The following GOLM1 variants were observed in gnomAD, a reference collection of about 807,000 sequenced individuals.
GOLM1 encodes the protein golgi membrane protein 1.
Under a neutral mutation model 50.5 loss-of-function variants are expected in GOLM1, and 31 were observed. That is an observed-to-expected ratio of 0.61 (90% CI 0.46 to 0.83). The LOEUF is 0.83. GOLM1 is among the 40% of genes least tolerant of loss of function. GOLM1 has a pLI of 0.00. For synonymous variants in GOLM1, 178 were observed against 192.8 expected, an observed-to-expected ratio of 0.92 and a Z score of 0.64; for missense variants, 491 against 501.3, an observed-to-expected ratio of 0.98 and a Z score of 0.20.
rs751950309 is a variant in GOLM1 at position 86,079,203 on chromosome 9, C to T, written c.118G>A (p.Val40Met). 1.6e-5 allele frequency: 25 copies of T among 1,584,144 alleles called. No individual in the cohort carries two copies. Among genetic ancestry groups the T allele is most frequent in the Non-Finnish European group, 2.1e-5 (24 of 1,166,532 alleles). Reference protein sequence around the residue: ...FNYWIASSRSVDLQTRIMELE... With the variant: ...FNYWIASSRSMDLQTRIMELE... ...AGAAAACAAAACACCTGGAGGTCCACGCTCCGGGAGCTCGCAATCCAGTAG... is the reference window on the plus strand; with the variant it reads ...AGAAAACAAAACACCTGGAGGTCCATGCTCCGGGAGCTCGCAATCCAGTAG... The change falls in exon 2 of 10, where the codon GTG becomes ATG. Residue 40 changes from valine to methionine, a missense_variant. Val to Met is a conservative substitution (Grantham distance 21). Transcript: ENST00000388712.
intron 1 of GOLM1, among the ~76,000 whole-genome samples, chr9:86,088,592 T>C (rs1048547574): frequency 3.3e-5 from 5 of 149,696 alleles, no homozygotes; most frequent in Non-Finnish European, 7.4e-5. Flanking sequence ...TTTTTTTGTT[T>C]TGTTTTTTTG....
intron 3 of GOLM1, among the ~76,000 whole-genome samples, chr9:86,058,696 A>C (rs1156609675): frequency 1.7e-5 from 1 of 57,562 alleles, no homozygotes; most frequent in African/African-American, 1.6e-4. Context: ...ACTCTGTCTC[A>C]AAAAAAAAAA....
intron 7 of GOLM1, 26 bp from the exon 8 acceptor site, chr9:86,035,651 G>T: frequency 2.2e-6 from 3 of 1,347,266 alleles, no homozygotes; most frequent in Non-Finnish European, 3.0e-6. Context: ...AGTTAGCTGT[G>T]ACCTTGCCAG....
chr9:86,079,351 A>G lies in GOLM1; in HGVS notation c.-21-10T>C. 1 of 1,559,688 alleles carries G rather than the reference A, an allele frequency of 6.4e-7. No individual in the cohort carries two copies. Among genetic ancestry groups the G allele is most frequent in the Non-Finnish European group, 8.7e-7 (1 of 1,150,816 alleles). On this transcript the variant is annotated splice_polypyrimidine_tract_variant and intron_variant, in intron 1 of 9. Transcript: ENST00000388712. ...AATCAGCGCTGAGAATCTGCCAAGT[A>G]AAAGCAAATAAATAAACATCAATAC...
chr9:86,049,733 C>T (rs947677586), intron 4 of GOLM1, among the ~76,000 whole-genome samples: 1 of 152,182 alleles, frequency 6.6e-6, no homozygotes, highest in Non-Finnish European at 1.5e-5. Context: ...TGAGACTTTG[C>T]TGAAGTTGCT....
At position 86,061,860 on chromosome 9, in the gene GOLM1, G is replaced by A. The variant is rs529800294; in HGVS notation, c.310-9269C>T. On this transcript the variant is annotated intron_variant, in intron 3 of 9. Transcript: ENST00000388712. ...TTAGGGGATAGAGTCAAATGTCAGC[G>A]TAAATGGTAGGATCCTGGTCAGAGA... Among the ~76,000 whole-genome samples, 8 of 152,296 alleles carry A rather than the reference G, an allele frequency of 5.3e-5. No individual in the cohort carries two copies. In the South Asian group the frequency reaches 6.2e-4, roughly 12 times the overall value.
At chr9:86,030,561 A>AC (rs147348635) in intron 9 of GOLM1, among the ~76,000 whole-genome samples, 6,298 of 152,220 alleles carry the variant, frequency 0.041, 418 homozygotes, top group African/African-American at 0.14. Context: ...CTGAGCCACT[A>AC]CCCTTCAAAA....
chr9:86,028,257 C>T (rs1832848043), intron 9 of GOLM1, among the ~76,000 whole-genome samples: 1 of 152,228 alleles, frequency 6.6e-6, no homozygotes, highest in Admixed American at 6.5e-5. Flanking sequence ...CCTGAGACCC[C>T]AGCGGGCACA....
chr9:86,097,408 C>T (rs1480886734), intron 1 of GOLM1, among the ~76,000 whole-genome samples: 1 of 152,048 alleles, frequency 6.6e-6, no homozygotes, highest in African/African-American at 2.4e-5. Flanking sequence ...TTATTTCTCA[C>T]ATTACGTCAC....
In GOLM1 at chr9:86,099,533, T is replaced by TCCGCGTCC. The variant is rs1214436303; in HGVS notation, c.-152_-145dup. The stretch of plus-strand genomic sequence containing the variant: ...GGCTCCGCGCCGTGCGCCCAGCGCC[T>TCCGCGTCC]CCGCGTCCAGCGCCGCCGCGTCTCC... On this transcript the variant is annotated 5_prime_UTR_variant, in exon 1 of 10. Transcript: ENST00000388712. 6.8e-6 allele frequency: 1 copy of TCCGCGTCC among 147,490 alleles called. No homozygotes were observed. The highest frequency in any genetic ancestry group is 2.0e-4 in the East Asian group (1 of 4,948). 9.1% of individuals were successfully genotyped at this position (147,490 alleles called of 1,614,324 possible). A position where few individuals can be genotyped will look rare whatever the true frequency, so the allele number is the denominator to read the frequency against.
At chr9:86,039,519 G>C (rs953698491) in intron 6 of GOLM1, among the ~76,000 whole-genome samples, 24 of 152,268 alleles carry the variant, frequency 1.6e-4, no homozygotes, top group African/African-American at 4.8e-4. Flanking sequence ...ATTCATAATA[G>C]CCAAAACATG....
At chr9:86,099,172 C>T (rs56195347) in intron 1 of GOLM1, among the ~76,000 whole-genome samples, 1,827 of 152,250 alleles carry the variant, frequency 0.012, 24 homozygotes, top group African/African-American at 0.033. Flanking sequence ...AAGGGGGCCG[C>T]GCGCCCGGTC....
chr9:86,077,482 T>C lies in GOLM1; in HGVS notation c.239A>G (p.Gln80Arg), dbSNP rs1043474732. Reference sequence around the variant, plus strand: ...GTGGCTGGACTGGATTTTGTCAAGCTGCTCCCGCTGCTTCTCCAGCTCTCC... The same window carrying C: ...GTGGCTGGACTGGATTTTGTCAAGCCGCTCCCGCTGCTTCTCCAGCTCTCC... Reference protein sequence around the residue: ...FQGELEKQREQLDKIQSSHNF... With the variant: ...FQGELEKQRERLDKIQSSHNF... The change falls in exon 3 of 10, where the codon CAG (glutamine) becomes CGG (arginine). Residue 80 changes from glutamine to arginine, a missense_variant. Coordinates refer to ENST00000388712, the MANE Select transcript of GOLM1 (RefSeq NM_016548.4). 6.2e-7 allele frequency: 1 copy of C among 1,613,644 alleles called. No homozygotes were observed. The highest frequency in any genetic ancestry group is 8.5e-7 in the Non-Finnish European group (1 of 1,179,604).
chr9:86,032,237 A>G (rs796184066), intron 9 of GOLM1, among the ~76,000 whole-genome samples: 12 of 152,102 alleles, frequency 7.9e-5, no homozygotes, highest in African/African-American at 2.9e-4. Context: ...GTGCGATCTC[A>G]GCTCACTGCA....
In GOLM1 at chr9:86,088,420, G is replaced by GTATATATATATATATA. The variant is rs71505775; in HGVS notation, c.-21-9095_-21-9080dup. On this transcript the variant is annotated intron_variant, in intron 1 of 9. Coordinates refer to ENST00000388712, the MANE Select transcript of GOLM1 (RefSeq NM_016548.4). ...TGGATTCGTTGTTTTTTTGAAGGGTGTATATATATATATATATATATATAT... is the reference window on the plus strand; with the variant it reads ...TGGATTCGTTGTTTTTTTGAAGGGTGTATATATATATATATATATATATATATATATATATATATAT... Among the ~76,000 whole-genome samples, 213 of 86,232 alleles carry GTATATATATATATATA rather than the reference G, an allele frequency of 2.5e-3. 5 individuals are homozygous for GTATATATATATATATA. Among genetic ancestry groups the GTATATATATATATATA allele is most frequent in the African/African-American group, 5.8e-3 (100 of 17,374 alleles). 56.6% of individuals were successfully genotyped at this position (86,232 alleles called of 152,430 possible). A position where few individuals can be genotyped will look rare whatever the true frequency, so the allele number is the denominator to read the frequency against.
intron 3 of GOLM1, among the ~76,000 whole-genome samples, chr9:86,072,322 C>G (rs182959651): frequency 1.3e-5 from 2 of 152,222 alleles, no homozygotes. Flanking sequence ...ATTCATCTGA[C>G]CTCTCTGCAT....
intron 1 of GOLM1, among the ~76,000 whole-genome samples, chr9:86,092,101 C>T (rs893770601): frequency 6.6e-6 from 1 of 152,202 alleles, no homozygotes; most frequent in Non-Finnish European, 1.5e-5. Context: ...CTGACCCTTG[C>T]TCTACCACTC....
chr9:86,085,600 A>C (rs542389431), intron 1 of GOLM1, among the ~76,000 whole-genome samples: 1 of 151,786 alleles, frequency 6.6e-6, no homozygotes, highest in East Asian at 1.9e-4. Context: ...ACCTACATTT[A>C]GTTACTTCTC....
chr9:86,065,361 G>A (rs1269977446), intron 3 of GOLM1, among the ~76,000 whole-genome samples: 2 of 152,106 alleles, frequency 1.3e-5, no homozygotes, highest in Non-Finnish European at 2.9e-5. Flanking sequence ...CCGGAAAATC[G>A]GTGAGAATAA....
Sources: gnomAD v4.1 joint callset for allele counts (sites outside exome capture counted in the v4.1 genomes callset) on GRCh38, gnomAD v4.1.1 for gene constraint, MANE v1.5 for transcripts, NCBI Gene and HGNC (gene_info 2026-07-23, HGNC 2026-07-21) for gene names.